Variants in POP1 observed in about 807,000 individuals in gnomAD.
POP1 encodes the protein ribonucleases P/MRP protein subunit POP1.
A neutral mutation model predicts 102.2 loss-of-function variants in POP1; 75 were observed. That is an observed-to-expected ratio of 0.73 (90% confidence interval 0.61 to 0.89). The LOEUF is 0.89. Ranked by LOEUF, POP1 falls within the 40% of genes least tolerant of loss-of-function variation. The pLI is 0.00. For synonymous variants in POP1, 436 were observed against 464.1 expected (o/e 0.94, Z 0.78); for missense variants, 1,116 against 1,267.4 (o/e 0.88, Z 1.81).
At chr8:98,149,065 T>A in intron 13 of POP1, 59 bp downstream of exon 13, 1 of 1,462,876 alleles carries the variant, frequency 6.8e-7, no homozygotes, top group Non-Finnish European at 9.4e-7. Flanking sequence ...TAATAAATGC[T>A]AAGTACTCAA....
intron 4 of POP1, among the ~76,000 whole-genome samples, chr8:98,129,269 G>C (rs941194589): frequency 3.3e-5 from 5 of 152,122 alleles, no homozygotes; most frequent in Non-Finnish European, 7.3e-5. Context: ...ACTTGAACTG[G>C]GTTTTAATTT....
At chr8:98,155,020 A>G (rs1414557347) in intron 14 of POP1, among the ~76,000 whole-genome samples, 1 of 152,206 alleles carries the variant, frequency 6.6e-6, no homozygotes, top group Non-Finnish European at 1.5e-5. Context: ...CTATGTAAGA[A>G]ACTGATAATG....
rs1816085179 is a variant in POP1 at position 98,123,224 on chromosome 8, C to T, written c.-2-112C>T. ...AAACTGCAATATACTAATAGGGTCT[C>T]TTCCATCAATAGACTTATTTTGAAT... On this transcript the variant is annotated intron_variant, in intron 1 of 15. Coordinates refer to ENST00000401707, the MANE Select transcript of POP1 (RefSeq NM_001145860.2). The T allele has an allele frequency of 3.1e-6, 4 of 1,281,022 alleles. No individual in the cohort carries two copies. In the East Asian group the frequency reaches 1.0e-4, roughly 33 times the overall value. 79.4% of individuals were successfully genotyped at this position (1,281,022 alleles called of 1,614,324 possible). A position where few individuals can be genotyped will look rare whatever the true frequency, so the allele number is the denominator to read the frequency against.
In POP1 at chr8:98,158,307, C is replaced by T. The variant is rs767646138; in HGVS notation, c.*36C>T. On this transcript the variant is annotated 3_prime_UTR_variant, in exon 16 of 16. Transcript: ENST00000401707. ...GTATCCCAGCAGGGCATAGATAATACGTTATTATTGTCTGCCAAGTTCTAC... is the reference window on the plus strand; with the variant it reads ...GTATCCCAGCAGGGCATAGATAATATGTTATTATTGTCTGCCAAGTTCTAC... 18 of 1,596,388 alleles carry T rather than the reference C, an allele frequency of 1.1e-5. No individual in the cohort carries two copies. The highest frequency in any genetic ancestry group is 3.8e-4 in the Middle Eastern group (2 of 5,332).
chr8:98,120,144 G>A (rs1011934307), intron 1 of POP1, among the ~76,000 whole-genome samples: 13 of 152,200 alleles, frequency 8.5e-5, no homozygotes, highest in African/African-American at 3.1e-4. Context: ...GGTTAACTAA[G>A]TTGTTTTGTA....
Position 98,136,380 on chromosome 8 carries a change from A to G in POP1, c.1012-102A>G. On this transcript the variant is annotated intron_variant, in intron 7 of 15. Transcript: ENST00000401707. ...TATGAGCCACCGTGCCTGGCCAAAA[A>G]TGTTAATTTTTAAAGAGATTTAAAA... 2.9e-6 allele frequency: 4 copies of G among 1,367,086 alleles called. No homozygotes were observed. The Admixed American group carries it at 9.2e-5, about 32-fold the overall frequency. The allele number at this position is 1,367,086 out of a possible 1,614,324, so 84.7% of individuals were successfully genotyped here.
chr8:98,150,146 C>A (rs1386101941), intron 13 of POP1, among the ~76,000 whole-genome samples: 1 of 152,148 alleles, frequency 6.6e-6, no homozygotes, highest in African/African-American at 2.4e-5. Flanking sequence ...TTTGCTACTA[C>A]CATGCATATT....
intron 6 of POP1, 121 bp downstream of exon 6, chr8:98,134,157 T>C: frequency 3.9e-6 from 3 of 778,144 alleles, no homozygotes; most frequent in Non-Finnish European, 6.6e-6. Context: ...GAGACACTAA[T>C]CATTCCCAAT....
chr8:98,153,167 G>A (rs529551145), intron 14 of POP1, among the ~76,000 whole-genome samples: 3 of 152,114 alleles, frequency 2.0e-5, no homozygotes, highest in East Asian at 1.9e-4. Context: ...ACAGCGTCTC[G>A]CTTTGTTGCC....
At chr8:98,148,658 C>G (rs1809427921) in intron 12 of POP1, among the ~76,000 whole-genome samples, 157 bp from the exon 13 acceptor site, 1 of 152,156 alleles carries the variant, frequency 6.6e-6, no homozygotes, top group Non-Finnish European at 1.5e-5. Flanking sequence ...GGAGGAATAC[C>G]TTATACTTAA....
chr8:98,131,221 T>C (rs1430910263), intron 5 of POP1, among the ~76,000 whole-genome samples: 1 of 152,266 alleles, frequency 6.6e-6, no homozygotes, highest in Admixed American at 6.5e-5. Context: ...AGAACTTTTT[T>C]ATCCTTCCAA....
chr8:98,134,771 A>G, intron 7 of POP1, 112 bp downstream of exon 7: 5 of 1,138,058 alleles, frequency 4.4e-6, no homozygotes, highest in Middle Eastern at 2.0e-4. Flanking sequence ...ATAGTCTGAT[A>G]TTTGTATATG....
chr8:98,120,265 G>A (rs1401534522), intron 1 of POP1, among the ~76,000 whole-genome samples: 2 of 152,324 alleles, frequency 1.3e-5, no homozygotes, highest in Non-Finnish European at 2.9e-5. Flanking sequence ...TTTGAAAAAT[G>A]TTTTTGCATG....
chr8:98,128,496 G>A lies in POP1; in HGVS notation c.442G>A (p.Val148Ile), dbSNP rs1364201080. The stretch of plus-strand genomic sequence containing the variant: ...GCGACGAAGAGCCATGAGCCACAAC[G>A]TCAAACGCCTTCCCAGACGGTTACA... ...HMRRRAMSHNVKRLPRRLQEI... is the reference protein window; with the variant it reads ...HMRRRAMSHNIKRLPRRLQEI... Residue 148 changes from valine (V) to isoleucine (I), a missense_variant, in exon 4 of 16, where the codon GTC becomes ATC. By Grantham distance (29) the Val-to-Ile change is conservative (BLOSUM62 3). Coordinates refer to ENST00000401707, the MANE Select transcript of POP1 (RefSeq NM_001145860.2). 3.7e-6 allele frequency: 6 copies of A among 1,613,844 alleles called. No homozygotes were observed. The highest frequency in any genetic ancestry group is 3.3e-5 in the Admixed American group (2 of 59,988).
Position 98,158,182 on chromosome 8 carries a change from AG to A in POP1, c.2987del (p.Ser996ThrfsTer9). 6.2e-7 allele frequency: 1 copy of A among 1,611,732 alleles called. No individual in the cohort carries two copies. Among genetic ancestry groups the A allele is most frequent in the Non-Finnish European group, 8.5e-7 (1 of 1,179,718 alleles). ...SLTGLLDMLS[S>X]QPAAQRGLVL... ...GACAGGCTTGCTGGATATGCTGTCC[AG>A]CCAGCCTGCAGCGCAGAGGGGCTTA... On this transcript the variant is annotated frameshift_variant, in exon 16 of 16. Transcript: ENST00000401707. LOFTEE classifies it low-confidence loss of function (END_TRUNC).
chr8:98,158,301 A>G lies in POP1; in HGVS notation c.*30A>G. The G allele has an allele frequency of 6.2e-7, 1 of 1,600,884 alleles. No individual in the cohort carries two copies. Among genetic ancestry groups the G allele is most frequent in the Non-Finnish European group, 8.5e-7 (1 of 1,179,274 alleles). On this transcript the variant is annotated 3_prime_UTR_variant, in exon 16 of 16. Coordinates refer to ENST00000401707, the MANE Select transcript of POP1 (RefSeq NM_001145860.2). ...GTGCTTGTATCCCAGCAGGGCATAG[A>G]TAATACGTTATTATTGTCTGCCAAG... is the stretch of plus-strand genomic sequence containing the variant.
intron 2 of POP1, among the ~76,000 whole-genome samples, chr8:98,126,838 T>C (rs1204495505): frequency 6.6e-6 from 1 of 152,248 alleles, no homozygotes; most frequent in Admixed American, 6.5e-5. Context: ...TTTAGACTTG[T>C]GTTCTATCCT....
intron 13 of POP1, among the ~76,000 whole-genome samples, chr8:98,149,252 C>T (rs1462102353): frequency 2.0e-5 from 3 of 152,024 alleles, no homozygotes; most frequent in South Asian, 2.1e-4. Flanking sequence ...GCCTGATATT[C>T]GAATAGTAGT....
In POP1 at chr8:98,125,762, ACTC is replaced by A. The variant is rs371848084; in HGVS notation, c.143-1830_143-1828del. Among the ~76,000 whole-genome samples the A allele has an allele frequency of 4.8e-3, 716 of 150,414 alleles. 6 individuals carry two copies. Among genetic ancestry groups the A allele is most frequent in the African/African-American group, 0.017 (678 of 40,810 alleles). Reference sequence around the variant, plus strand: ...ACCATGTTGCCCAGGCTAGTCTTGAACTCCTGAGCTCAGGCAATCCACCCACCT... The same window carrying A: ...ACCATGTTGCCCAGGCTAGTCTTGAACTGAGCTCAGGCAATCCACCCACCT... On this transcript the variant is annotated intron_variant, in intron 2 of 15. Transcript: ENST00000401707.
Sources: allele counts gnomAD v4.1 joint callset (sites outside exome capture counted in the v4.1 genomes callset), GRCh38; gene constraint gnomAD v4.1.1; transcripts MANE v1.5; gene names NCBI Gene and HGNC (gene_info 2026-07-23, HGNC 2026-07-21).